Variants in TBC1D19 observed in about 807,000 individuals in gnomAD.
TBC1D19 encodes TBC1 domain family, member 19.
In TBC1D19, 60 loss-of-function variants were observed where a neutral mutation model predicts 89.0. The observed-to-expected ratio is 0.67, with a 90% CI of 0.55 to 0.84. The LOEUF (loss-of-function observed/expected upper bound fraction) is 0.84, where lower values mean the gene tolerates loss of function less well. TBC1D19 is among the 40% of genes least tolerant of loss of function. The pLI, the probability that TBC1D19 is intolerant of heterozygous loss-of-function variation, is 0.00. For missense variants in TBC1D19, 500 were observed against 610.8 expected (o/e 0.82, Z 1.91); for synonymous variants, 189 against 199.7 (o/e 0.95, Z 0.45).
the TBC1D19 span, among the ~76,000 whole-genome samples, chr4:26,836,503 T>G: frequency 6.6e-6 from 1 of 152,168 alleles, no homozygotes; most frequent in Non-Finnish European, 1.5e-5. Context: ...TTTGAGCTGT[T>G]GTCCTGCACC....
At chr4:26,713,747 A>G (rs140625746) in intron 13 of TBC1D19, among the ~76,000 whole-genome samples, 191 of 152,210 alleles carry the variant, frequency 1.3e-3, no homozygotes, top group African/African-American at 4.1e-3. Context: ...GGGCTTGTTC[A>G]CACAGCTCCC....
the TBC1D19 span, among the ~76,000 whole-genome samples, chr4:26,803,473 A>G: frequency 3.3e-5 from 5 of 152,204 alleles, no homozygotes; most frequent in African/African-American, 7.2e-5. Context: ...GATGAGCACA[A>G]ACATATAAAT....
the TBC1D19 span, among the ~76,000 whole-genome samples, chr4:26,842,646 T>TTCTTTCTTTCTTTC: frequency 8.6e-6 from 1 of 115,626 alleles, no homozygotes; most frequent in Non-Finnish European, 1.8e-5. Context: ...CTTTCTTTCT[T>TTCTTTCTTTCTTTC]TTTCTTTCTT....
Position 26,608,968 on chromosome 4 carries a change from G to A in TBC1D19, c.100-4201G>A, listed in dbSNP as rs976604076. ...TCGCAAGGACAAAAAACCAAACACC[G>A]CATGTTCTCACTCATAGGTGGGAAT... On this transcript the variant is annotated intron_variant, in intron 1 of 20. Transcript: ENST00000264866. Among the ~76,000 whole-genome samples the A allele has an allele frequency of 1.0e-4, 15 of 143,844 alleles. No homozygotes were observed. The East Asian group carries it at 2.9e-3, about 28-fold the overall frequency. 94.4% of individuals were successfully genotyped at this position (143,844 alleles called of 152,430 possible). A position where few individuals can be genotyped will look rare whatever the true frequency, so the allele number is the denominator to read the frequency against.
intron 19 of TBC1D19, among the ~76,000 whole-genome samples, chr4:26,750,522 G>T (rs1718892264): frequency 6.6e-6 from 1 of 152,142 alleles, no homozygotes; most frequent in Admixed American, 6.5e-5. Flanking sequence ...CTCTCATTCT[G>T]TGCCTTATCA....
chr4:26,828,985 A>G, the TBC1D19 span, among the ~76,000 whole-genome samples: 8 of 152,222 alleles, frequency 5.3e-5, no homozygotes, highest in Admixed American at 1.3e-4. Context: ...TTCCTTAGTC[A>G]CTGTATTTAC....
chr4:26,754,749 TA>T, intron 20 of TBC1D19, 123 bp from the exon 21 acceptor site: 2 of 665,882 alleles, frequency 3.0e-6, no homozygotes, highest in Non-Finnish European at 4.7e-6. Flanking sequence ...GTTGTAGCTT[TA>T]GTATTAAGAT....
chr4:26,584,129 C>A lies in TBC1D19; in HGVS notation c.-65C>A. 1 of 1,524,004 alleles carries A rather than the reference C, an allele frequency of 6.6e-7. No homozygotes were observed. Among genetic ancestry groups the A allele is most frequent in the East Asian group, 2.3e-5 (1 of 42,958 alleles). The allele number at this position is 1,524,004 out of a possible 1,614,324, so 94.4% of individuals were successfully genotyped here. ...AAGTGTCACTGGCCCTGAGTGGGAC[C>A]CGGTAGCCCGTTCGCTCCGCGCCGG... On this transcript the variant is annotated 5_prime_UTR_variant, in exon 1 of 21. Transcript: ENST00000264866.
intron 13 of TBC1D19, among the ~76,000 whole-genome samples, chr4:26,710,021 C>A (rs1716042588): frequency 6.6e-6 from 1 of 151,416 alleles, no homozygotes; most frequent in Non-Finnish European, 1.5e-5. Flanking sequence ...TGTATCAGGG[C>A]AGAGTGTTTT....
At chr4:26,843,098 G>A in the TBC1D19 span, among the ~76,000 whole-genome samples, 1 of 152,158 alleles carries the variant, frequency 6.6e-6, no homozygotes, top group African/African-American at 2.4e-5. Context: ...GGCTTGTCAT[G>A]GAGAAGAAAA....
intron 17 of TBC1D19, among the ~76,000 whole-genome samples, chr4:26,741,689 T>C (rs1718387589): frequency 6.6e-6 from 1 of 152,042 alleles, no homozygotes; most frequent in Admixed American, 6.6e-5. Flanking sequence ...TTTTTTGGCT[T>C]GCAGCTAGAC....
chr4:26,608,233 C>T (rs1190148500), intron 1 of TBC1D19, among the ~76,000 whole-genome samples: 1 of 152,062 alleles, frequency 6.6e-6, no homozygotes, highest in Non-Finnish European at 1.5e-5. Context: ...ATTAAAAATG[C>T]AAACATGTCT....
At chr4:26,742,054 G>C (rs1355164207) in intron 17 of TBC1D19, among the ~76,000 whole-genome samples, 1 of 152,200 alleles carries the variant, frequency 6.6e-6, no homozygotes, top group African/African-American at 2.4e-5. Flanking sequence ...TTTCCCTAGT[G>C]AGTGAGGCTG....
chr4:26,758,436 C>A (rs1053804071), downstream of TBC1D19, among the ~76,000 whole-genome samples: 1 of 152,178 alleles, frequency 6.6e-6, no homozygotes, highest in African/African-American at 2.4e-5. Context: ...ACCCCTTCCC[C>A]ATGTGCATCA....
intron 1 of TBC1D19, among the ~76,000 whole-genome samples, chr4:26,586,170 G>GTT (rs1560396710): frequency 3.0e-5 from 4 of 135,148 alleles, no homozygotes; most frequent in Non-Finnish European, 4.6e-5. Flanking sequence ...TGCAAGGTAA[G>GTT]CTTTTTTTTT....
At chr4:26,660,357 A>G (rs933627858) in intron 8 of TBC1D19, among the ~76,000 whole-genome samples, 5 of 152,232 alleles carry the variant, frequency 3.3e-5, no homozygotes, top group Admixed American at 3.3e-4. Flanking sequence ...AGCACTGATG[A>G]TAAATGACTT....
chr4:26,832,989 G>A, the TBC1D19 span, among the ~76,000 whole-genome samples: 2 of 152,086 alleles, frequency 1.3e-5, no homozygotes, highest in Non-Finnish European at 2.9e-5. Context: ...GCAAGACCCT[G>A]TCTCAAAAAA....
At position 26,737,896 on chromosome 4, in the gene TBC1D19, T is replaced by C. The variant is rs1718138284; in HGVS notation, c.1118-1968T>C. Among the ~76,000 whole-genome samples, 4 of 152,124 alleles carry C rather than the reference T, an allele frequency of 2.6e-5. No individual in the cohort carries two copies. The South Asian group carries it at 8.3e-4, about 31-fold the overall frequency. Reference sequence around the variant, plus strand: ...GATAGTAATTTATTTTAAAATTTACTCAGAACTCTTCTCTAATTTAAAATA... The same window carrying C: ...GATAGTAATTTATTTTAAAATTTACCCAGAACTCTTCTCTAATTTAAAATA... On this transcript the variant is annotated intron_variant, in intron 16 of 20. Coordinates refer to ENST00000264866, the MANE Select transcript of TBC1D19 (RefSeq NM_018317.4).
chr4:26,855,117 G>T, the TBC1D19 span, among the ~76,000 whole-genome samples: 1 of 152,174 alleles, frequency 6.6e-6, no homozygotes, highest in African/African-American at 2.4e-5. Context: ...CGTGGCTCAT[G>T]TCTCCCTTCC....
Sources: allele counts gnomAD v4.1 joint callset (sites outside exome capture counted in the v4.1 genomes callset), GRCh38; gene constraint gnomAD v4.1.1; transcripts MANE v1.5; gene names NCBI Gene and HGNC (gene_info 2026-07-23, HGNC 2026-07-21).